The following EIPR1 variants were observed in gnomAD, a reference collection of about 807,000 sequenced individuals.
EIPR1 encodes EARP complex and GARP complex interacting protein 1.
A neutral mutation model predicts 48.1 loss-of-function variants in EIPR1; 25 were observed. The observed-to-expected ratio is 0.52, with a 90% CI of 0.38 to 0.73. EIPR1 has a LOEUF of 0.73. Ranked by LOEUF, EIPR1 falls within the 30% of genes least tolerant of loss-of-function variation. The probability of loss-of-function intolerance (pLI) is 0.00; values close to 1 mark genes in which losing one functional copy is unlikely to be tolerated. For synonymous variants in EIPR1, 204 were observed against 201.9 expected, an observed-to-expected ratio of 1.01 and a Z score of -0.09; for missense variants, 415 against 506.2, an observed-to-expected ratio of 0.82 and a Z score of 1.73.
intron 3 of EIPR1, among the ~76,000 whole-genome samples, chr2:3,318,175 C>T (rs1470934927): frequency 2.0e-5 from 3 of 152,230 alleles, no homozygotes; most frequent in African/African-American, 4.8e-5. Context: ...ACCAGCAGGC[C>T]GCAGAAGAGC....
chr2:3,204,855 G>A (rs920700068), intron 5 of EIPR1, among the ~76,000 whole-genome samples: 1 of 151,964 alleles, frequency 6.6e-6, no homozygotes, highest in Non-Finnish European at 1.5e-5. Flanking sequence ...CTACATGCAG[G>A]CGCACTCCCA....
intron 3 of EIPR1, among the ~76,000 whole-genome samples, chr2:3,295,424 C>CCT (rs1339030477): frequency 5.3e-5 from 7 of 130,900 alleles, no homozygotes; most frequent in Non-Finnish European, 8.1e-5. Flanking sequence ...TCCAGCCCAT[C>CCT]CTCTCTGCAC....
chr2:3,362,932 T>A (rs1005429968), intron 1 of EIPR1, among the ~76,000 whole-genome samples: 1 of 151,972 alleles, frequency 6.6e-6, no homozygotes, highest in African/African-American at 2.4e-5. Flanking sequence ...CCCATACACA[T>A]GGTAGGAAGG....
chr2:3,211,586 C>A (rs923811466), intron 5 of EIPR1, among the ~76,000 whole-genome samples: 1 of 152,224 alleles, frequency 6.6e-6, no homozygotes, highest in Non-Finnish European at 1.5e-5. Context: ...TCCTGTGGTA[C>A]ATTTTAAACC....
chr2:3,326,189 G>A (rs1669693725), intron 3 of EIPR1, among the ~76,000 whole-genome samples: 1 of 152,214 alleles, frequency 6.6e-6, no homozygotes, highest in Non-Finnish European at 1.5e-5. Flanking sequence ...TCCCGTCCTT[G>A]CAGGGTACAT....
Position 3,336,841 on chromosome 2 carries a change from AGG to A in EIPR1, c.259+1174_259+1175del, listed in dbSNP as rs1558306860. On this transcript the variant is annotated intron_variant, in intron 3 of 8. Coordinates refer to ENST00000382125, the MANE Select transcript of EIPR1 (RefSeq NM_003310.5). ...GAAAAGAAAAGGGAAGGGAAGGGAA[AGG>A]AAGGGAAAAGGGAAGGGAAGGGAAA... Among the ~76,000 whole-genome samples the A allele has an allele frequency of 5.2e-3, 544 of 104,768 alleles. 71 individuals carry two copies. Among genetic ancestry groups the A allele is most frequent in the Non-Finnish European group, 6.8e-3 (341 of 49,830 alleles). The allele number at this position is 104,768 out of a possible 152,430, so 68.7% of individuals were successfully genotyped here. A position where few individuals can be genotyped will look rare whatever the true frequency, so the allele number is the denominator to read the frequency against.
chr2:3,340,181 G>A lies in EIPR1; in HGVS notation c.127-2032C>T, dbSNP rs186156087. Among the ~76,000 whole-genome samples the A allele has an allele frequency of 3.8e-3, 574 of 152,312 alleles. 1 individual carries two copies. The highest frequency in any genetic ancestry group is 6.9e-3 in the Non-Finnish European group (467 of 68,024). Reference sequence around the variant, plus strand: ...TATTTCTTAATAGCAATATGAGAACGAACTAATACAAGGTCACCCCAGGGA... The same window carrying A: ...TATTTCTTAATAGCAATATGAGAACAAACTAATACAAGGTCACCCCAGGGA... On this transcript the variant is annotated intron_variant, in intron 2 of 8. Coordinates refer to ENST00000382125, the MANE Select transcript of EIPR1 (RefSeq NM_003310.5).
chr2:3,254,333 C>T (rs1011054176), intron 4 of EIPR1, among the ~76,000 whole-genome samples: 3 of 152,132 alleles, frequency 2.0e-5, no homozygotes, highest in Admixed American at 6.5e-5. Context: ...CTAACTGAGC[C>T]GAGAGAAATA....
chr2:3,213,842 T>G (rs1195950677), intron 5 of EIPR1, among the ~76,000 whole-genome samples: 1 of 152,230 alleles, frequency 6.6e-6, no homozygotes, highest in Non-Finnish European at 1.5e-5. Flanking sequence ...AGGTCCCATT[T>G]ATTAATTTTT....
intron 3 of EIPR1, among the ~76,000 whole-genome samples, chr2:3,327,266 C>A (rs1288036660): frequency 6.6e-6 from 1 of 152,024 alleles, no homozygotes; most frequent in African/African-American, 2.4e-5. Flanking sequence ...CTACTGCAAC[C>A]GCCACCTCCC....
chr2:3,224,469 A>C (rs1381636357), intron 4 of EIPR1, among the ~76,000 whole-genome samples: 2 of 152,202 alleles, frequency 1.3e-5, no homozygotes, highest in Non-Finnish European at 2.9e-5. Flanking sequence ...CCTGATTGCC[A>C]AACAGGTTTC....
At chr2:3,239,423 T>G (rs1366058372) in intron 4 of EIPR1, among the ~76,000 whole-genome samples, 1 of 152,202 alleles carries the variant, frequency 6.6e-6, no homozygotes. Context: ...ATCTCTGTGG[T>G]TGATGCACAG....
chr2:3,226,649 C>A (rs1262857640), intron 4 of EIPR1, among the ~76,000 whole-genome samples: 3 of 152,242 alleles, frequency 2.0e-5, no homozygotes, highest in Middle Eastern at 3.4e-3. Context: ...CTTTTGCTGC[C>A]TGTGCTTTTG....
chr2:3,327,415 C>T (rs1669730703), intron 3 of EIPR1, among the ~76,000 whole-genome samples: 1 of 152,166 alleles, frequency 6.6e-6, no homozygotes, highest in African/African-American at 2.4e-5. Flanking sequence ...AGCTCCTGAC[C>T]TCAAGTGATC....
chr2:3,234,698 C>T (rs1046955311), intron 4 of EIPR1, among the ~76,000 whole-genome samples: 9 of 152,264 alleles, frequency 5.9e-5, no homozygotes, highest in African/African-American at 1.4e-4. Flanking sequence ...GAATTACAAG[C>T]GGCAGCATTC....
At chr2:3,222,000 T>G (rs1389894560) in intron 4 of EIPR1, among the ~76,000 whole-genome samples, 2 of 147,588 alleles carry the variant, frequency 1.4e-5, no homozygotes, top group Admixed American at 1.3e-4. Flanking sequence ...GTTTTTTTTT[T>G]GTTTGTTTCA....
intron 1 of EIPR1, among the ~76,000 whole-genome samples, chr2:3,359,466 T>C (rs919877782): frequency 5.9e-5 from 9 of 152,002 alleles, no homozygotes; most frequent in African/African-American, 2.2e-4. Context: ...AGTGAAGAGG[T>C]TGCAGTTTTG....
In EIPR1 at chr2:3,208,320, G is replaced by C; in HGVS notation, c.516+5829C>G. 12 of 712,892 alleles carry C rather than the reference G, an allele frequency of 1.7e-5. No homozygotes were observed. In the South Asian group the frequency reaches 2.4e-4, roughly 14 times the overall value. The allele number at this position is 712,892 out of a possible 1,614,324, so 44.2% of individuals were successfully genotyped here. On this transcript the variant is annotated intron_variant, in intron 5 of 8. Coordinates refer to ENST00000382125, the MANE Select transcript of EIPR1 (RefSeq NM_003310.5). Reference sequence around the variant, plus strand: ...CCTGAAGGAGGACAGGAGAGGTCTGGGCAGGCAGGAGCCACCGTGAGCACC... The same window carrying C: ...CCTGAAGGAGGACAGGAGAGGTCTGCGCAGGCAGGAGCCACCGTGAGCACC...
intron 7 of EIPR1, among the ~76,000 whole-genome samples, chr2:3,193,017 G>A (rs1395279995): frequency 6.6e-6 from 1 of 152,216 alleles, no homozygotes; most frequent in Non-Finnish European, 1.5e-5. Context: ...CACAAGGGCT[G>A]TCCTTGGTTT....
Sources: allele counts gnomAD v4.1 joint callset (sites outside exome capture counted in the v4.1 genomes callset), GRCh38; gene constraint gnomAD v4.1.1; transcripts MANE v1.5; gene names NCBI Gene and HGNC (gene_info 2026-07-23, HGNC 2026-07-21).